NSUN2: variants seen among roughly 807,000 people sequenced by gnomAD.
NSUN2 encodes NOP2/Sun RNA methyltransferase 2.
NSUN2 carries 63 observed loss-of-function variants against 92.7 expected under a neutral mutation model. The ratio of observed to expected loss-of-function variants is 0.68; its 90% CI spans 0.56 to 0.84. The LOEUF (loss-of-function observed/expected upper bound fraction) is 0.84. Ranked by LOEUF, NSUN2 falls within the 40% of genes least tolerant of loss-of-function variation. The pLI is 0.00. For synonymous variants in NSUN2, 356 were observed against 348.3 expected, an observed-to-expected ratio of 1.02 and a Z score of -0.25; for missense variants, 989 against 964.9, an observed-to-expected ratio of 1.02 and a Z score of -0.33.
intron 4 of NSUN2, 80 bp from the exon 5 acceptor site, chr5:6,623,365 A>G: frequency 7.8e-7 from 1 of 1,274,546 alleles, no homozygotes; most frequent in Non-Finnish European, 1.1e-6. Flanking sequence ...GCATTGTTTC[A>G]AAGGCAACAG....
chr5:6,621,590 T>A (rs902583776), intron 6 of NSUN2: 3 of 154,256 alleles, frequency 1.9e-5, no homozygotes, highest in Non-Finnish European at 4.3e-5. Flanking sequence ...CTACTAAAAA[T>A]ACAAAAAATT....
Position 6,601,974 on chromosome 5 carries a change from T to TGCAGCGTGAATACATGCAA in NSUN2, c.1997+468_1997+486dup, listed in dbSNP as rs141008121. ...GCTCCCCCAAGGCCCCCCACAAGGA[T>TGCAGCGTGAATACATGCAA]GCAGCGTGAATACATGCAAGCAGCG... On this transcript the variant is annotated intron_variant, in intron 18 of 18. Transcript: ENST00000264670. Among the ~76,000 whole-genome samples, 823 of 152,248 alleles carry TGCAGCGTGAATACATGCAA rather than the reference T, an allele frequency of 5.4e-3. 4 individuals carry two copies. Among genetic ancestry groups the TGCAGCGTGAATACATGCAA allele is most frequent in the Non-Finnish European group, 7.6e-3 (516 of 68,018 alleles).
intron 15 of NSUN2, 32 bp downstream of exon 15, chr5:6,605,241 C>T: frequency 1.2e-6 from 2 of 1,610,794 alleles, no homozygotes; most frequent in Non-Finnish European, 1.7e-6. Context: ...CATCCCGCAT[C>T]ACACAGCACT....
chr5:6,601,758 C>T (rs1337940844), intron 18 of NSUN2, among the ~76,000 whole-genome samples: 1 of 152,112 alleles, frequency 6.6e-6, no homozygotes, highest in Non-Finnish European at 1.5e-5. Context: ...CTATTCACTC[C>T]CCCAAATCCC....
intron 18 of NSUN2, among the ~76,000 whole-genome samples, chr5:6,600,942 A>T (rs3776444): frequency 0.67 from 102,422 of 152,046 alleles, 34,704 homozygotes; most frequent in Middle Eastern, 0.73. Context: ...TCCAGCCAGG[A>T]GGCATCGACG....
At chr5:6,603,866 A>C in intron 17 of NSUN2, 1 of 338,460 alleles carries the variant, frequency 3.0e-6, no homozygotes, top group Non-Finnish European at 5.4e-6. Flanking sequence ...AGCAAAGGCC[A>C]GCCCTGCACG....
chr5:6,631,724 T>G (rs1737904885), intron 3 of NSUN2, 149 bp downstream of exon 3: 4 of 631,284 alleles, frequency 6.3e-6, no homozygotes, highest in Non-Finnish European at 1.1e-5. Flanking sequence ...AATATAATGT[T>G]GATAAAAGCA....
chr5:6,606,440 C>T lies in NSUN2; in HGVS notation c.1601+380G>A, dbSNP rs183406387. On this transcript the variant is annotated intron_variant, in intron 14 of 18. Coordinates refer to ENST00000264670, the MANE Select transcript of NSUN2 (RefSeq NM_017755.6). Reference sequence around the variant, plus strand: ...CTGGGACTACAGGTGCCCGCCACCACGCCCGGCTAATTTTTTTTGTATTTT... The same window carrying T: ...CTGGGACTACAGGTGCCCGCCACCATGCCCGGCTAATTTTTTTTGTATTTT... Among the ~76,000 whole-genome samples the T allele has an allele frequency of 6.3e-3, 961 of 152,268 alleles. 9 individuals carry two copies. Among genetic ancestry groups the T allele is most frequent in the Admixed American group, 0.018 (274 of 15,288 alleles).
chr5:6,628,137 C>A (rs925465505), intron 3 of NSUN2, among the ~76,000 whole-genome samples: 2 of 152,142 alleles, frequency 1.3e-5, no homozygotes, highest in Non-Finnish European at 2.9e-5. Flanking sequence ...CACTTGAGGT[C>A]AGGAGTTCAA....
At chr5:6,606,741 G>A in intron 14 of NSUN2, 79 bp downstream of exon 14, 1 of 776,412 alleles carries the variant, frequency 1.3e-6, no homozygotes, top group Non-Finnish European at 2.1e-6. Flanking sequence ...CAAAACAATG[G>A]TTACATGTGA....
chr5:6,599,605 C>G lies in NSUN2; in HGVS notation c.*321G>C. 3.7e-6 allele frequency: 1 copy of G among 272,066 alleles called. No homozygotes were observed. The highest frequency in any genetic ancestry group is 7.5e-5 in the East Asian group (1 of 13,360). 16.9% of individuals were successfully genotyped at this position (272,066 alleles called of 1,614,324 possible). A position where few individuals can be genotyped will look rare whatever the true frequency, so the allele number is the denominator to read the frequency against. On this transcript the variant is annotated 3_prime_UTR_variant, in exon 19 of 19. Coordinates refer to ENST00000264670, the MANE Select transcript of NSUN2 (RefSeq NM_017755.6). ...AGGCTTAACAAAAGACCTGAAATTT[C>G]TGCAAGGGCAGTTTTGTTTCTTGAT... is the stretch of plus-strand genomic sequence containing the variant.
Position 6,600,132 on chromosome 5 carries a change from T to C in NSUN2, c.2098A>G (p.Arg700Gly), listed in dbSNP as rs1560968674. 3.7e-6 allele frequency: 6 copies of C among 1,614,194 alleles called. No individual in the cohort carries two copies. The highest frequency in any genetic ancestry group is 5.1e-6 in the Non-Finnish European group (6 of 1,179,998). The change falls in exon 19 of 19, where the codon AGG (arginine) becomes GGG (glycine). Residue 700 changes from arginine (R) to glycine (G), a missense_variant. Arg to Gly is a moderately radical substitution (Grantham distance 125, BLOSUM62 -2). Coordinates refer to ENST00000264670, the MANE Select transcript of NSUN2 (RefSeq NM_017755.6). The stretch of plus-strand genomic sequence containing the variant: ...CCCAATACCTCCAGCCCCATCATCC[T>C]GAGATAATGAAGCCGTTCATTCTTG... ...VPKNERLHYLRMMGLEVLGEK... is the reference protein window; with the variant it reads ...VPKNERLHYLGMMGLEVLGEK...
At chr5:6,607,724 C>T (rs1477763628) in intron 12 of NSUN2, among the ~76,000 whole-genome samples, 1 of 152,156 alleles carries the variant, frequency 6.6e-6, no homozygotes, top group Admixed American at 6.5e-5. Flanking sequence ...CTGAAGGACA[C>T]AAAGTGCACC....
intron 4 of NSUN2, among the ~76,000 whole-genome samples, chr5:6,623,787 T>C (rs1437696682): frequency 2.0e-5 from 3 of 152,228 alleles, no homozygotes; most frequent in Admixed American, 1.3e-4. Flanking sequence ...GATGAAGACA[T>C]CAACCACTGC....
At chr5:6,606,993 G>A in intron 13 of NSUN2, 81 bp from the exon 14 acceptor site, 3 of 1,007,686 alleles carry the variant, frequency 3.0e-6, no homozygotes, top group Non-Finnish European at 4.5e-6. Context: ...CTTCCTTTCT[G>A]TCAGTTCTGT....
rs571961432 is a variant in NSUN2 at position 6,607,144 on chromosome 5, CA to C, written c.1508+55del. 3.0e-4 allele frequency: 463 copies of C among 1,567,106 alleles called. 2 individuals are homozygous for C. In the African/African-American group the frequency reaches 5.8e-3, roughly 20 times the overall value. ...AGTGGCTCTGGGATCCCATTTAATC[CA>C]AAAGGACTGTGAAGACACCAGCGTA... On this transcript the variant is annotated intron_variant, in intron 13 of 18. Coordinates refer to ENST00000264670, the MANE Select transcript of NSUN2 (RefSeq NM_017755.6).
At chr5:6,625,377 T>C (rs1293939176) in intron 4 of NSUN2, among the ~76,000 whole-genome samples, 187 bp downstream of exon 4, 1 of 152,186 alleles carries the variant, frequency 6.6e-6, no homozygotes, top group Non-Finnish European at 1.5e-5. Context: ...CATGACTAGA[T>C]AAACCAAACA....
In NSUN2 at chr5:6,633,029, A is replaced by T. The variant is rs1738006436; in HGVS notation, c.-50T>A. ...ACGCAGAAACCGGCCCGCCACGGCCAGAACTCTAGCCCTACACCTCCCGGG... is the reference window on the plus strand; with the variant it reads ...ACGCAGAAACCGGCCCGCCACGGCCTGAACTCTAGCCCTACACCTCCCGGG... On this transcript the variant is annotated 5_prime_UTR_variant, in exon 1 of 19. Coordinates refer to ENST00000264670, the MANE Select transcript of NSUN2 (RefSeq NM_017755.6). The T allele has an allele frequency of 7.1e-7, 1 of 1,404,886 alleles. No individual in the cohort carries two copies. Among genetic ancestry groups the T allele is most frequent in the African/African-American group, 1.5e-5 (1 of 66,030 alleles). The allele number at this position is 1,404,886 out of a possible 1,614,324, so 87.0% of individuals were successfully genotyped here. A position where few individuals can be genotyped will look rare whatever the true frequency, so the allele number is the denominator to read the frequency against.
At position 6,624,736 on chromosome 5, in the gene NSUN2, T is replaced by C. The variant is rs142183956; in HGVS notation, c.465+828A>G. On this transcript the variant is annotated intron_variant, in intron 4 of 18. Coordinates refer to ENST00000264670, the MANE Select transcript of NSUN2 (RefSeq NM_017755.6). ...ACACAAGCCCAGTTTAGTCGGTTAC[T>C]TAGATGACAGAAGGCCAAAGTGAAA... 3.3e-5 allele frequency among the ~76,000 whole-genome samples: 5 copies of C among 152,264 alleles called. No homozygotes were observed. The East Asian group carries it at 9.6e-4, about 29-fold the overall frequency.
Sources: allele counts gnomAD v4.1 joint callset (sites outside exome capture counted in the v4.1 genomes callset), GRCh38; gene constraint gnomAD v4.1.1; transcripts MANE v1.5; gene names NCBI Gene and HGNC (gene_info 2026-07-23, HGNC 2026-07-21).